The following TP53TG5 variants were observed in gnomAD, a reference collection of about 807,000 sequenced individuals.
The protein encoded by TP53TG5 is TP53 target 5, also known as TP53-target gene 5 protein.
TP53TG5 carries 17 observed loss-of-function variants against 30.0 expected under a neutral mutation model. The observed-to-expected ratio is 0.57, with a 90% CI of 0.39 to 0.85. TP53TG5 has a LOEUF of 0.85. TP53TG5 is among the 40% of genes least tolerant of loss of function. TP53TG5 has a pLI of 0.00. For missense variants in TP53TG5, 338 were observed against 367.9 expected (o/e 0.92, Z 0.67); for synonymous variants, 137 against 139.2 (o/e 0.98, Z 0.11).
At chr20:45,375,870 T>C in intron 3 of TP53TG5, 1 of 287,982 alleles carries the variant, frequency 3.5e-6, no homozygotes, top group Non-Finnish European at 6.5e-6. Context: ...AGTCCAGTAG[T>C]TTTTCTAAAT....
Position 45,375,170 on chromosome 20 carries a change from C to G in TP53TG5, c.637G>C (p.Gly213Arg). The change falls in exon 4 of 5, where the codon GGG becomes CGG. Residue 213 changes from glycine to arginine, a missense_variant. Coordinates refer to ENST00000372726, the MANE Select transcript of TP53TG5 (RefSeq NM_014477.3). ...GGGAGGTGGATTCGTGTGGGCAGCCCCTCAAACCAGATCCACTGGTCGGCT... is the reference window on the plus strand; with the variant it reads ...GGGAGGTGGATTCGTGTGGGCAGCCGCTCAAACCAGATCCACTGGTCGGCT... ...DVADQWIWFE[G>R]LPTRIHLPAP... 1 of 1,614,182 alleles carries G rather than the reference C, an allele frequency of 6.2e-7. No individual in the cohort carries two copies.
intron 4 of TP53TG5, chr20:45,374,617 A>T (rs966250254): frequency 4.4e-6 from 2 of 449,502 alleles, no homozygotes; most frequent in Non-Finnish European, 7.8e-6. Flanking sequence ...TCAAACATAA[A>T]TAGAGAGTTG....
At chr20:45,377,481 G>A in intron 2 of TP53TG5, 58 bp downstream of exon 2, 1 of 1,610,032 alleles carries the variant, frequency 6.2e-7, no homozygotes. Flanking sequence ...GCAACCAGGG[G>A]CAGTACTGCA....
chr20:45,374,214 G>T, intron 4 of TP53TG5: 1 of 682,430 alleles, frequency 1.5e-6, no homozygotes, highest in Non-Finnish European at 2.6e-6. Context: ...TCCCACGAAA[G>T]GGCTGCGGTA....
rs1988628637 is a variant in TP53TG5, at chr20:45,373,735, C to T, written c.*172G>A. The T allele has an allele frequency of 3.3e-6, 2 of 612,572 alleles. No homozygotes were observed. The highest frequency in any genetic ancestry group is 2.8e-5 in the Admixed American group (1 of 35,632). 37.9% of individuals were successfully genotyped at this position (612,572 alleles called of 1,614,324 possible). On this transcript the variant is annotated 3_prime_UTR_variant, in exon 5 of 5. Transcript: ENST00000372726. ...GCGGAGGTGGGGGAGGGGTGCTGCTCGCTGGCTTCTTTGGTTCTAGACTGA... is the reference window on the plus strand; with the variant it reads ...GCGGAGGTGGGGGAGGGGTGCTGCTTGCTGGCTTCTTTGGTTCTAGACTGA...
chr20:45,374,667 T>G (rs1988667097), intron 4 of TP53TG5: 1 of 429,954 alleles, frequency 2.3e-6, no homozygotes, highest in African/African-American at 2.0e-5. Flanking sequence ...AAAGCCCTAC[T>G]TGACCATCTC....
intron 4 of TP53TG5, chr20:45,374,306 T>C (rs1282659113): frequency 2.9e-6 from 2 of 696,648 alleles, no homozygotes; most frequent in Non-Finnish European, 5.2e-6. Context: ...AGGGTCTTGC[T>C]CTCTTGCCCA....
chr20:45,373,784 T>C lies in TP53TG5; in HGVS notation c.*123A>G. 1 of 776,638 alleles carries C rather than the reference T, an allele frequency of 1.3e-6. No homozygotes were observed. Among genetic ancestry groups the C allele is most frequent in the East Asian group, 2.8e-5 (1 of 35,116 alleles). 48.1% of individuals were successfully genotyped at this position (776,638 alleles called of 1,614,324 possible). A position where few individuals can be genotyped will look rare whatever the true frequency, so the allele number is the denominator to read the frequency against. On this transcript the variant is annotated 3_prime_UTR_variant, in exon 5 of 5. Coordinates refer to ENST00000372726, the MANE Select transcript of TP53TG5 (RefSeq NM_014477.3). ...GACCTTAGGGGCCTCGGGGTGGGGG[T>C]GGGGGAAGCCTGAAGTCGCGACACA...
Position 45,373,824 on chromosome 20 carries a change from A to C in TP53TG5, c.*83T>G. 4 of 1,344,408 alleles carry C rather than the reference A, an allele frequency of 3.0e-6. No individual in the cohort carries two copies. Among genetic ancestry groups the C allele is most frequent in the Non-Finnish European group, 3.2e-6 (3 of 938,574 alleles). 83.3% of individuals were successfully genotyped at this position (1,344,408 alleles called of 1,614,324 possible). A position where few individuals can be genotyped will look rare whatever the true frequency, so the allele number is the denominator to read the frequency against. ...GTCGCGACACAGGCTCCCTCTACCGAAGGCCTCTTTCCTTCATCCTTCCCA... is the reference window on the plus strand; with the variant it reads ...GTCGCGACACAGGCTCCCTCTACCGCAGGCCTCTTTCCTTCATCCTTCCCA... On this transcript the variant is annotated 3_prime_UTR_variant, in exon 5 of 5. Transcript: ENST00000372726.
rs926469403 is a variant in TP53TG5, at chr20:45,378,068, C to T, written c.48+121G>A. 2.9e-6 allele frequency: 4 copies of T among 1,371,012 alleles called. No individual in the cohort carries two copies. The African/African-American group carries it at 5.7e-5, about 20-fold the overall frequency. 84.9% of individuals were successfully genotyped at this position (1,371,012 alleles called of 1,614,324 possible). On this transcript the variant is annotated intron_variant, in intron 1 of 4. Coordinates refer to ENST00000372726, the MANE Select transcript of TP53TG5 (RefSeq NM_014477.3). ...GAGACCATTTTAACTCTCCTGACCT[C>T]CCTTCACCCTTCACCTTTTCCTTTT... is the stretch of plus-strand genomic sequence containing the variant.
At chr20:45,374,221 G>A in intron 4 of TP53TG5, 1 of 683,850 alleles carries the variant, frequency 1.5e-6, no homozygotes, top group Non-Finnish European at 2.6e-6. Flanking sequence ...AAAGGGCTGC[G>A]GTATTTTCTT....
chr20:45,376,965 A>G (rs1400703090), intron 3 of TP53TG5, among the ~76,000 whole-genome samples: 1 of 152,202 alleles, frequency 6.6e-6, no homozygotes, highest in African/African-American at 2.4e-5. Context: ...TGTTATGGCC[A>G]CAGCTCTAAT....
Position 45,377,703 on chromosome 20 carries a change from C to T in TP53TG5, c.49-90G>A, listed in dbSNP as rs141849613. ...CTGTAATCCCAGCACTTTGGGAGGC[C>T]GAGGTGGGTGGCTCATTTGAGGTCA... On this transcript the variant is annotated intron_variant, in intron 1 of 4. Transcript: ENST00000372726. The T allele has an allele frequency of 6.5e-5, 84 of 1,293,080 alleles. No individual in the cohort carries two copies. The African/African-American group carries it at 7.1e-4, about 11-fold the overall frequency. The allele number at this position is 1,293,080 out of a possible 1,614,324, so 80.1% of individuals were successfully genotyped here.
At chr20:45,374,789 T>A in intron 4 of TP53TG5, 2 of 532,264 alleles carry the variant, frequency 3.8e-6, no homozygotes, top group Non-Finnish European at 6.6e-6. Flanking sequence ...GTGAGATGGC[T>A]CACTTCAGTG....
At position 45,373,784 on chromosome 20, in the gene TP53TG5, T is replaced by TG; in HGVS notation, c.*122dup. 1 of 776,638 alleles carries TG rather than the reference T, an allele frequency of 1.3e-6. No individual in the cohort carries two copies. The highest frequency in any genetic ancestry group is 1.6e-5 in the South Asian group (1 of 64,458). The allele number at this position is 776,638 out of a possible 1,614,324, so 48.1% of individuals were successfully genotyped here. A position where few individuals can be genotyped will look rare whatever the true frequency, so the allele number is the denominator to read the frequency against. On this transcript the variant is annotated 3_prime_UTR_variant, in exon 5 of 5. Coordinates refer to ENST00000372726, the MANE Select transcript of TP53TG5 (RefSeq NM_014477.3). Reference sequence around the variant, plus strand: ...GACCTTAGGGGCCTCGGGGTGGGGGTGGGGGAAGCCTGAAGTCGCGACACA... The same window carrying TG: ...GACCTTAGGGGCCTCGGGGTGGGGGTGGGGGGAAGCCTGAAGTCGCGACACA...
rs780110906 is a variant in TP53TG5, at chr20:45,374,551, C to T, written c.768+488G>A. ...CCTCCCAAGGTGCTGGGATTACAGG[C>T]GTGAGCCACCATGCCTAGCCTGTTC... On this transcript the variant is annotated intron_variant, in intron 4 of 4. Transcript: ENST00000372726. The T allele has an allele frequency of 9.8e-6, 5 of 509,786 alleles. No individual in the cohort carries two copies. The East Asian group carries it at 1.2e-4, about 13-fold the overall frequency. 31.6% of individuals were successfully genotyped at this position (509,786 alleles called of 1,614,324 possible). A position where few individuals can be genotyped will look rare whatever the true frequency, so the allele number is the denominator to read the frequency against.
In TP53TG5 at chr20:45,373,726, G is replaced by A; in HGVS notation, c.*181C>T. The A allele has an allele frequency of 1.6e-6, 1 of 611,714 alleles. No individual in the cohort carries two copies. Among genetic ancestry groups the A allele is most frequent in the Non-Finnish European group, 2.9e-6 (1 of 344,406 alleles). 37.9% of individuals were successfully genotyped at this position (611,714 alleles called of 1,614,324 possible). On this transcript the variant is annotated 3_prime_UTR_variant, in exon 5 of 5. Transcript: ENST00000372726. ...GACTAGCTCGCGGAGGTGGGGGAGG[G>A]GTGCTGCTCGCTGGCTTCTTTGGTT...
intron 4 of TP53TG5, chr20:45,374,653 C>T: frequency 2.3e-6 from 1 of 428,384 alleles, no homozygotes; most frequent in Non-Finnish European, 4.1e-6. Context: ...GAATGGGATG[C>T]AGCAAAGCCC....
intron 4 of TP53TG5, chr20:45,374,728 T>A: frequency 2.2e-6 from 1 of 455,988 alleles, no homozygotes; most frequent in South Asian, 4.0e-5. Flanking sequence ...GGCCTCTGAC[T>A]GTGAGATTCA....
Sources: allele counts gnomAD v4.1 joint callset (sites outside exome capture counted in the v4.1 genomes callset), GRCh38; gene constraint gnomAD v4.1.1; transcripts MANE v1.5; gene names NCBI Gene and HGNC (gene_info 2026-07-23, HGNC 2026-07-21).